Variants in SHB observed in about 807,000 individuals in gnomAD.
SHB encodes the protein SH2 domain containing adaptor protein B, also known as SH2 domain-containing adapter protein B.
SHB carries 20 observed loss-of-function variants against 52.3 expected under a neutral mutation model. The ratio of observed to expected loss-of-function variants is 0.38; its 90% CI spans 0.27 to 0.56. The LOEUF (loss-of-function observed/expected upper bound fraction) is 0.56. Ranked by LOEUF, SHB falls within the 20% of genes least tolerant of loss-of-function variation. The pLI, the probability that SHB is intolerant of heterozygous loss-of-function variation, is 0.71. For missense variants in SHB, 825 were observed against 723.3 expected, an observed-to-expected ratio of 1.14 and a Z score of -1.61; for synonymous variants, 397 against 316.5, an observed-to-expected ratio of 1.25 and a Z score of -2.70.
chr9:38,027,212 C>T (rs1291836892), intron 1 of SHB, among the ~76,000 whole-genome samples: 1 of 152,184 alleles, frequency 6.6e-6, no homozygotes, highest in Non-Finnish European at 1.5e-5. Context: ...AGGGCAGGGC[C>T]TCCAGGGTGG....
rs777467894 is a variant in SHB at position 37,948,544 on chromosome 9, CA to C, written c.1346+90del. On this transcript the variant is annotated intron_variant, in intron 5 of 5. Transcript: ENST00000377707. ...GTGTGCTGGCAAGTTTCCCAGGGGA[CA>C]CTGGCGGGTTTTTCTGCCACAGACA... 1.5e-5 allele frequency: 23 copies of C among 1,494,472 alleles called. No homozygotes were observed. In the Middle Eastern group the frequency reaches 6.6e-4, roughly 43 times the overall value. The allele number at this position is 1,494,472 out of a possible 1,614,324, so 92.6% of individuals were successfully genotyped here. A position where few individuals can be genotyped will look rare whatever the true frequency, so the allele number is the denominator to read the frequency against.
At chr9:37,993,951 G>A (rs1435201529) in intron 2 of SHB, among the ~76,000 whole-genome samples, 3 of 152,208 alleles carry the variant, frequency 2.0e-5, no homozygotes, top group Admixed American at 2.0e-4. Flanking sequence ...ACCCAGGACG[G>A]CAATGGGTGG....
At chr9:37,940,746 G>A (rs1368903115) in intron 5 of SHB, among the ~76,000 whole-genome samples, 1 of 152,182 alleles carries the variant, frequency 6.6e-6, no homozygotes. Context: ...AATTGAAAAA[G>A]TCTCTTTCTG....
intron 3 of SHB, among the ~76,000 whole-genome samples, chr9:37,974,219 G>A (rs982088227): frequency 5.9e-5 from 9 of 152,142 alleles, no homozygotes; most frequent in Non-Finnish European, 1.0e-4. Flanking sequence ...TCGCATCACT[G>A]CACTCCAGCC....
At chr9:37,969,765 T>C (rs1820570601) in intron 3 of SHB, among the ~76,000 whole-genome samples, 1 of 152,182 alleles carries the variant, frequency 6.6e-6, no homozygotes, top group Admixed American at 6.5e-5. Context: ...GGCAACCAGG[T>C]AGACCTGCCA....
intron 3 of SHB, among the ~76,000 whole-genome samples, chr9:37,973,211 CAG>C (rs1178702050): frequency 3.9e-5 from 6 of 152,184 alleles, no homozygotes; most frequent in Non-Finnish European, 8.8e-5. Flanking sequence ...TGATTATAAA[CAG>C]TGCCTTTTCC....
rs58943246 is a variant in SHB at position 37,992,469 on chromosome 9, G to A, written c.839-17632C>T. Reference sequence around the variant, plus strand: ...TTAGAGAAGCTCATGGCCTAAAAACGTGGTCTTCTTTGGGGCTAGGTAAGT... The same window carrying A: ...TTAGAGAAGCTCATGGCCTAAAAACATGGTCTTCTTTGGGGCTAGGTAAGT... On this transcript the variant is annotated intron_variant, in intron 2 of 5. Transcript: ENST00000377707. Among the ~76,000 whole-genome samples the A allele has an allele frequency of 9.6e-3, 1,469 of 152,260 alleles. 23 individuals carry two copies. Among genetic ancestry groups the A allele is most frequent in the African/African-American group, 0.033 (1,374 of 41,534 alleles).
In SHB at chr9:38,068,040, G is replaced by GC; in HGVS notation, c.605dup (p.Ala203ArgfsTer43). ...TCCAGGTGCGGCCGCCCGCGCAGGC[G>GC]CCCCCCAGGGGGTCCCCGGCCCCAC... On this transcript the variant is annotated frameshift_variant, in exon 1 of 6. Coordinates refer to ENST00000377707, the MANE Select transcript of SHB (RefSeq NM_003028.3). LOFTEE classifies it high-confidence loss of function. The GC allele has an allele frequency of 4.0e-6, 6 of 1,505,572 alleles. No homozygotes were observed. Among genetic ancestry groups the GC allele is most frequent in the Admixed American group, 4.4e-5 (2 of 45,530 alleles). 93.3% of individuals were successfully genotyped at this position (1,505,572 alleles called of 1,614,324 possible).
At chr9:37,996,724 C>T (rs1820950447) in intron 2 of SHB, among the ~76,000 whole-genome samples, 1 of 152,198 alleles carries the variant, frequency 6.6e-6, no homozygotes, top group Non-Finnish European at 1.5e-5. Flanking sequence ...AAGGTTGGGC[C>T]TAGATCTCCC....
At chr9:37,937,581 G>A (rs113481954) in intron 5 of SHB, among the ~76,000 whole-genome samples, 125 of 152,274 alleles carry the variant, frequency 8.2e-4, no homozygotes, top group Non-Finnish European at 1.7e-3. Flanking sequence ...ACATAGACCC[G>A]CGGATGGAAC....
chr9:37,974,554 G>A, intron 3 of SHB, 68 bp downstream of exon 3: 1 of 1,379,210 alleles, frequency 7.3e-7, no homozygotes, highest in Non-Finnish European at 1.0e-6. Context: ...CTGAGCGCAG[G>A]TGGGGACCAA....
intron 2 of SHB, among the ~76,000 whole-genome samples, chr9:37,977,031 C>T (rs540872453): frequency 6.6e-6 from 1 of 152,298 alleles, no homozygotes; most frequent in African/African-American, 2.4e-5. Context: ...ATTTCCCAAG[C>T]TTTATTTAGT....
Position 38,068,556 on chromosome 9 carries a change from C to A in SHB, c.90G>T (p.Gln30His). The change falls in exon 1 of 6, where the codon CAG becomes CAT. Residue 30 changes from glutamine to histidine, a missense_variant. By Grantham distance (24) the Gln-to-His change is conservative. Transcript: ENST00000377707. ...GCGAAGGCCGCTCGCCTCGGCGCCG[C>A]TGCTCGCGGTAGTCTGGCCGCGGCG... ...PQPPRPDYRE[Q>H]RRRGERPSQP... 1 of 1,467,566 alleles carries A rather than the reference C, an allele frequency of 6.8e-7. No homozygotes were observed. The allele number at this position is 1,467,566 out of a possible 1,614,324, so 90.9% of individuals were successfully genotyped here. A position where few individuals can be genotyped will look rare whatever the true frequency, so the allele number is the denominator to read the frequency against.
chr9:38,043,320 G>A (rs903193109), intron 1 of SHB, among the ~76,000 whole-genome samples: 2 of 152,190 alleles, frequency 1.3e-5, no homozygotes, highest in Admixed American at 6.5e-5. Flanking sequence ...ACACATAGGG[G>A]ACTGAACCAA....
At chr9:38,031,538 T>C (rs953964790) in intron 1 of SHB, among the ~76,000 whole-genome samples, 12 of 152,174 alleles carry the variant, frequency 7.9e-5, no homozygotes, top group Non-Finnish European at 2.9e-5. Flanking sequence ...TCAGTCCTTT[T>C]AGTATTACTT....
At chr9:37,986,946 G>T (rs1406423316) in intron 2 of SHB, among the ~76,000 whole-genome samples, 2 of 152,234 alleles carry the variant, frequency 1.3e-5, no homozygotes, top group Non-Finnish European at 2.9e-5. Context: ...AGTCTGCTGG[G>T]CACGGTGCGG....
chr9:38,059,258 G>A (rs1307419992), intron 1 of SHB, among the ~76,000 whole-genome samples: 3 of 50,540 alleles, frequency 5.9e-5, no homozygotes, highest in Admixed American at 1.7e-4. Context: ...CCCACCTGTC[G>A]AGTCACTCTC....
intron 2 of SHB, among the ~76,000 whole-genome samples, chr9:37,988,755 T>C (rs370863119): frequency 2.0e-5 from 3 of 152,220 alleles, no homozygotes; most frequent in East Asian, 1.9e-4. Context: ...ATAGTGCAGA[T>C]TGCACACCCC....
intron 3 of SHB, among the ~76,000 whole-genome samples, chr9:37,963,309 T>C (rs1832713900): frequency 1.3e-5 from 2 of 152,178 alleles, no homozygotes; most frequent in African/African-American, 4.8e-5. Flanking sequence ...TTCTCCAGTA[T>C]AAGATGGAGT....
Sources: gnomAD v4.1 joint callset for allele counts (sites outside exome capture counted in the v4.1 genomes callset) on GRCh38, gnomAD v4.1.1 for gene constraint, MANE v1.5 for transcripts, NCBI Gene and HGNC (gene_info 2026-07-23, HGNC 2026-07-21) for gene names.